EIF4G3: variants seen among roughly 807,000 people sequenced by gnomAD.
The protein encoded by EIF4G3 is eIF-4-gamma 3.
EIF4G3 carries 34 observed loss-of-function variants against 186.4 expected under a neutral mutation model. The ratio of observed to expected loss-of-function variants is 0.18; its 90% CI spans 0.14 to 0.24. The LOEUF (loss-of-function observed/expected upper bound fraction) is 0.24. Among genes scored for constraint, EIF4G3 ranks in the 10% least tolerant of loss-of-function variants. The pLI is 1.00. For missense variants in EIF4G3, 1,536 were observed against 1,948.5 expected (o/e 0.79, Z 3.99); for synonymous variants, 673 against 679.5 (o/e 0.99, Z 0.15).
At chr1:21,024,206 C>A (rs1173110834) in intron 4 of EIF4G3, among the ~76,000 whole-genome samples, 1 of 150,158 alleles carries the variant, frequency 6.7e-6, no homozygotes, top group African/African-American at 2.5e-5. Context: ...CCGCCCCATC[C>A]GGGAGGGAGG....
rs187591022 is a variant in EIF4G3 at position 20,872,893 on chromosome 1, T to C, written c.2622+6430A>G. 3.6e-3 allele frequency among the ~76,000 whole-genome samples: 554 copies of C among 152,034 alleles called. 3 individuals carry two copies. The highest frequency in any genetic ancestry group is 3.5e-3 in the Non-Finnish European group (238 of 67,952). On this transcript the variant is annotated intron_variant, in intron 20 of 36. Coordinates refer to ENST00000602326, the MANE Select transcript of EIF4G3 (RefSeq NM_001391906.1). ...CTGGGATTACAGGCATGCGCCACCA[T>C]GCCCAGCTAATTTTTGTATTTTTAG...
chr1:20,902,268 T>C (rs2090588447), intron 15 of EIF4G3, among the ~76,000 whole-genome samples: 1 of 152,164 alleles, frequency 6.6e-6, no homozygotes, highest in South Asian at 2.1e-4. Flanking sequence ...TTCACCATGT[T>C]GGTCAGGCTG....
At chr1:21,125,764 A>ATC (rs1315967297) in intron 2 of EIF4G3, among the ~76,000 whole-genome samples, 1 of 122,488 alleles carries the variant, frequency 8.2e-6, no homozygotes, top group African/African-American at 3.2e-5. Flanking sequence ...ATTTTTTTAT[A>ATC]TATATATACA....
chr1:21,091,828 T>C (rs1299551842), intron 2 of EIF4G3, among the ~76,000 whole-genome samples: 1 of 152,212 alleles, frequency 6.6e-6, no homozygotes, highest in Non-Finnish European at 1.5e-5. Flanking sequence ...CTTGTGATTT[T>C]TGCACATTGA....
At chr1:20,815,689 C>A (rs1361174651) in intron 34 of EIF4G3, among the ~76,000 whole-genome samples, 4 of 140,552 alleles carry the variant, frequency 2.8e-5, no homozygotes, top group Admixed American at 6.9e-5. Context: ...CCGCCCCGTC[C>A]GGGAGGTGAG....
chr1:20,815,385 T>C (rs2060333687), intron 34 of EIF4G3, among the ~76,000 whole-genome samples: 1 of 135,692 alleles, frequency 7.4e-6, no homozygotes. Context: ...GAGGAGCATC[T>C]CTGCCTGACC....
In EIF4G3 at chr1:20,840,856, C is replaced by G; in HGVS notation, c.4061G>C (p.Gly1354Ala). The G allele has an allele frequency of 6.2e-7, 1 of 1,613,842 alleles. No individual in the cohort carries two copies. The highest frequency in any genetic ancestry group is 8.5e-7 in the Non-Finnish European group (1 of 1,179,886). Residue 1354 changes from glycine to alanine, a missense_variant and splice_region_variant, in exon 30 of 37, where the codon GGT becomes GCT. Coordinates refer to ENST00000602326, the MANE Select transcript of EIF4G3 (RefSeq NM_001391906.1). ...TACCACTCTTGAAGAGGATACTGAC[C>G]CTTTGAAAAAGTCCTGTTTGCTGAG... is the stretch of plus-strand genomic sequence containing the variant. Reference protein sequence around the residue: ...EKLSKQDFFKGFSETLELADD... With the variant: ...EKLSKQDFFKAFSETLELADD...
intron 3 of EIF4G3, among the ~76,000 whole-genome samples, chr1:21,078,274 T>C (rs1363812569): frequency 6.6e-6 from 1 of 152,114 alleles, no homozygotes; most frequent in Non-Finnish European, 1.5e-5. Flanking sequence ...CACAATGAAA[T>C]ATCACTCAAC....
intron 2 of EIF4G3, among the ~76,000 whole-genome samples, chr1:21,157,409 T>C (rs1447119036): frequency 6.6e-6 from 1 of 152,112 alleles, no homozygotes; most frequent in Non-Finnish European, 1.5e-5. Flanking sequence ...GCTCTCTTTC[T>C]TACCCAGGCT....
intron 33 of EIF4G3, among the ~76,000 whole-genome samples, chr1:20,821,731 T>C (rs539603844): frequency 1.3e-5 from 2 of 150,758 alleles, no homozygotes; most frequent in Non-Finnish European, 2.9e-5. Context: ...CCCTATTATG[T>C]ATACTTCACC....
Position 20,827,641 on chromosome 1 carries a change from T to C in EIF4G3, c.4245A>G (p.Ile1415Met). ...CCATTTGTTTGCATAGTAGGTGCAATATTTCAGATAGCAAGACCCCAGCTC... is the reference window on the plus strand; with the variant it reads ...CCATTTGTTTGCATAGTAGGTGCAACATTTCAGATAGCAAGACCCCAGCTC... Reference protein sequence around the residue: ...VGRAGVLLSEILHLLCKQMSH... With the variant: ...VGRAGVLLSEMLHLLCKQMSH... The change falls in exon 32 of 37, where the codon ATA becomes ATG. Residue 1415 changes from isoleucine to methionine, a missense_variant. This residue lies in a region of EIF4G3 where 395 missense variants were observed against 498.9 expected (regional missense o/e 0.79). Coordinates refer to ENST00000602326, the MANE Select transcript of EIF4G3 (RefSeq NM_001391906.1). 6.2e-7 allele frequency: 1 copy of C among 1,611,748 alleles called. No individual in the cohort carries two copies. The highest frequency in any genetic ancestry group is 8.5e-7 in the Non-Finnish European group (1 of 1,178,136).
At chr1:21,125,960 T>C (rs1425040643) in intron 2 of EIF4G3, among the ~76,000 whole-genome samples, 2 of 151,526 alleles carry the variant, frequency 1.3e-5, no homozygotes, top group African/African-American at 2.4e-5. Flanking sequence ...TCCCAGCACT[T>C]TGGGAGGCCA....
intron 3 of EIF4G3, among the ~76,000 whole-genome samples, chr1:21,051,981 T>C (rs1178138857): frequency 6.6e-6 from 1 of 152,190 alleles, no homozygotes; most frequent in East Asian, 1.9e-4. Flanking sequence ...CACACATACA[T>C]CTAAAAACAT....
At chr1:21,133,468 G>A (rs926887102) in intron 2 of EIF4G3, among the ~76,000 whole-genome samples, 2 of 151,526 alleles carry the variant, frequency 1.3e-5, no homozygotes, top group African/African-American at 2.4e-5. Flanking sequence ...CTCGTGATCC[G>A]CCCACCCCGG....
At chr1:21,065,455 G>A (rs2095192197) in intron 3 of EIF4G3, among the ~76,000 whole-genome samples, 1 of 151,384 alleles carries the variant, frequency 6.6e-6, no homozygotes, top group Non-Finnish European at 1.5e-5. Flanking sequence ...CTAGCTCTAG[G>A]GAGGCTGGGA....
intron 13 of EIF4G3, among the ~76,000 whole-genome samples, chr1:20,943,172 C>CA (rs1006239291): frequency 1.4e-4 from 21 of 150,254 alleles, no homozygotes; most frequent in Admixed American, 7.3e-4. Flanking sequence ...CTAAACAAAA[C>CA]AAAAAAAACA....
chr1:20,974,381 C>T (rs189819647), intron 10 of EIF4G3, among the ~76,000 whole-genome samples: 3 of 152,222 alleles, frequency 2.0e-5, no homozygotes, highest in Admixed American at 2.0e-4. Context: ...GAGATGAAAA[C>T]CAAGGCAGTG....
chr1:20,827,529 G>C, intron 32 of EIF4G3, 88 bp downstream of exon 32: 1 of 726,934 alleles, frequency 1.4e-6, no homozygotes, highest in Non-Finnish European at 2.3e-6. Flanking sequence ...TGCACCCTGA[G>C]ACCTAAGCTA....
At chr1:20,978,677 C>CA (rs10603153) in intron 10 of EIF4G3, among the ~76,000 whole-genome samples, 4,556 of 106,170 alleles carry the variant, frequency 0.043, 208 homozygotes, top group African/African-American at 0.14. Context: ...TTTATCAGAT[C>CA]AAAAAAAAAA....
Sources: allele counts gnomAD v4.1 joint callset (sites outside exome capture counted in the v4.1 genomes callset), GRCh38; gene constraint gnomAD v4.1.1; regional missense constraint gnomAD v4.1.1; transcripts MANE v1.5; gene names NCBI Gene and HGNC (gene_info 2026-07-23, HGNC 2026-07-21).